Variants in EML6 observed in about 807,000 individuals in gnomAD.
EML6 encodes the protein echinoderm microtubule-associated protein-like 6.
In EML6, 154 loss-of-function variants were observed where a neutral mutation model predicts 240.1. That is an observed-to-expected ratio of 0.64 (90% CI 0.56 to 0.73). The LOEUF is 0.73. Among genes scored for constraint, EML6 ranks in the 30% least tolerant of loss-of-function variants. The pLI, the probability that EML6 is intolerant of heterozygous loss-of-function variation, is 0.00. For synonymous variants in EML6, 1,148 were observed against 899.0 expected, an observed-to-expected ratio of 1.28 and a Z score of -4.95; for missense variants, 2,964 against 2,474.6, an observed-to-expected ratio of 1.20 and a Z score of -4.20.
intron 2 of EML6, among the ~76,000 whole-genome samples, chr2:54,799,223 G>A (rs1307689726): frequency 6.6e-6 from 1 of 152,062 alleles, no homozygotes; most frequent in Admixed American, 6.6e-5. Context: ...ACCATGCCCA[G>A]CTAATTTTTG....
intron 35 of EML6, 126 bp from the exon 36 acceptor site, chr2:54,962,397 C>G: frequency 2.7e-6 from 2 of 730,998 alleles, no homozygotes; most frequent in South Asian, 4.5e-5. Context: ...CCCTGTCCAC[C>G]ACCCCCATTC....
At chr2:54,740,972 C>T (rs1683603825) in intron 2 of EML6, among the ~76,000 whole-genome samples, 1 of 151,916 alleles carries the variant, frequency 6.6e-6, no homozygotes, top group Non-Finnish European at 1.5e-5. Context: ...TATTTTCTTC[C>T]CAGAATGTCA....
intron 8 of EML6, among the ~76,000 whole-genome samples, chr2:54,846,137 G>T (rs1316457309): frequency 6.6e-6 from 1 of 152,106 alleles, no homozygotes; most frequent in Non-Finnish European, 1.5e-5. Context: ...TGTGCTTACT[G>T]GCCAGGAGTC....
intron 5 of EML6, among the ~76,000 whole-genome samples, chr2:54,821,769 A>G (rs953042189): frequency 1.3e-5 from 2 of 152,116 alleles, no homozygotes; most frequent in African/African-American, 2.4e-5. Context: ...AAATTTATCA[A>G]TTTTTTAGAA....
At chr2:54,794,997 T>C (rs79012457) in intron 2 of EML6, among the ~76,000 whole-genome samples, 3,157 of 152,310 alleles carry the variant, frequency 0.021, 42 homozygotes, top group Non-Finnish European at 0.032. Flanking sequence ...TTCTTGAAAC[T>C]CCTTTACCTC....
At chr2:54,841,080 C>G (rs1316871043) in intron 7 of EML6, among the ~76,000 whole-genome samples, 1 of 127,150 alleles carries the variant, frequency 7.9e-6, no homozygotes, top group Admixed American at 7.8e-5. Flanking sequence ...AAAGGGTAGG[C>G]AAAGAGATCA....
At chr2:54,857,643 T>A (rs112857906) in intron 11 of EML6, among the ~76,000 whole-genome samples, 9 of 152,160 alleles carry the variant, frequency 5.9e-5, no homozygotes, top group African/African-American at 2.2e-4. Context: ...GGCAGTGCAG[T>A]GTTCTAAATG....
chr2:54,884,220 C>T (rs1213221488), intron 17 of EML6, among the ~76,000 whole-genome samples: 1 of 90,546 alleles, frequency 1.1e-5, no homozygotes, highest in Non-Finnish European at 2.3e-5. Context: ...CTTCATTTGC[C>T]AGGTTATTAC....
In EML6 at chr2:54,725,854, T is replaced by C. The variant is rs942339442; in HGVS notation, c.197+596T>C. Among the ~76,000 whole-genome samples the C allele has an allele frequency of 1.3e-5, 2 of 152,210 alleles. No individual in the cohort carries two copies. Among genetic ancestry groups the C allele is most frequent in the African/African-American group, 4.8e-5 (2 of 41,452 alleles). ...CTAAATGGATGCTTCCACAGCATCA[T>C]TGAGGTTATTAAAGGCTGGCAGCTG... is the stretch of plus-strand genomic sequence containing the variant. On this transcript the variant is annotated intron_variant, in intron 2 of 41. Transcript: ENST00000356458. The surrounding 1 kb of genome is among the most constrained non-coding windows in gnomAD (Gnocchi z 4.3).
At chr2:54,958,991 A>G (rs1676366749) in intron 33 of EML6, 113 bp from the exon 34 acceptor site, 1 of 1,000,434 alleles carries the variant, frequency 1.0e-6, no homozygotes, top group East Asian at 2.8e-5. Flanking sequence ...AAGAGATCAA[A>G]CTGCCTAGGC....
Position 54,825,853 on chromosome 2 carries a change from C to G in EML6, c.526-1713C>G, listed in dbSNP as rs200487875. Reference sequence around the variant, plus strand: ...TACTCTGAGAGGACCATGGTTTTTCCTCTCCTACAGGTGTAAAATAGTACA... The same window carrying G: ...TACTCTGAGAGGACCATGGTTTTTCGTCTCCTACAGGTGTAAAATAGTACA... On this transcript the variant is annotated intron_variant, in intron 5 of 41. Transcript: ENST00000356458. Among the ~76,000 whole-genome samples, 33 of 152,224 alleles carry G rather than the reference C, an allele frequency of 2.2e-4. No individual in the cohort carries two copies. In the East Asian group the frequency reaches 6.4e-3, roughly 29 times the overall value.
intron 22 of EML6, among the ~76,000 whole-genome samples, chr2:54,901,015 C>G (rs972584890): frequency 6.6e-6 from 1 of 152,026 alleles, no homozygotes; most frequent in African/African-American, 2.4e-5. Flanking sequence ...GGATTGTATT[C>G]TAGGGTAATA....
At chr2:54,801,478 G>C (rs1558560960) in intron 2 of EML6, among the ~76,000 whole-genome samples, 1 of 152,328 alleles carries the variant, frequency 6.6e-6, no homozygotes, top group South Asian at 2.1e-4. Flanking sequence ...CAAAGTAGGA[G>C]TTTATTCATG....
intron 24 of EML6, among the ~76,000 whole-genome samples, chr2:54,909,236 C>A (rs564889547): frequency 6.6e-6 from 1 of 152,244 alleles, no homozygotes; most frequent in Admixed American, 6.5e-5. Flanking sequence ...TCTTGAGTGT[C>A]CTAAAAATAG....
intron 22 of EML6, 81 bp downstream of exon 22, chr2:54,899,863 T>A: frequency 4.5e-6 from 6 of 1,339,912 alleles, no homozygotes; most frequent in Non-Finnish European, 6.1e-6. Context: ...AGTTAATATT[T>A]ACTGAGGGCA....
rs575355507 is a variant in EML6 at position 54,931,116 on chromosome 2, C to T, written c.4004+2365C>T. ...GGGACTACAGGCGCCCGCCACCATG[C>T]CCGGCTAATTTTTTGTATTTTTAGT... On this transcript the variant is annotated intron_variant, in intron 28 of 41. Coordinates refer to ENST00000356458, the MANE Select transcript of EML6 (RefSeq NM_001039753.4). Among the ~76,000 whole-genome samples, 25 of 152,214 alleles carry T rather than the reference C, an allele frequency of 1.6e-4. No individual in the cohort carries two copies. The East Asian group carries it at 4.6e-3, about 28-fold the overall frequency.
intron 2 of EML6, among the ~76,000 whole-genome samples, chr2:54,748,880 A>C (rs573664395): frequency 1.3e-5 from 2 of 152,246 alleles, no homozygotes; most frequent in East Asian, 3.9e-4. Context: ...CTGGACTTCT[A>C]ATTTGTCAGT....
At chr2:54,892,691 C>T (rs935991859) in intron 19 of EML6, 35 bp downstream of exon 19, 1 of 1,502,302 alleles carries the variant, frequency 6.7e-7, no homozygotes, top group Non-Finnish European at 9.0e-7. Flanking sequence ...TTTTCCTCAT[C>T]AGCCTTCTAA....
intron 28 of EML6, among the ~76,000 whole-genome samples, chr2:54,946,270 C>G (rs917034855): frequency 1.3e-5 from 2 of 152,316 alleles, no homozygotes; most frequent in African/African-American, 4.8e-5. Context: ...CTCCTCCCAC[C>G]TCCAGTCTCT....
Sources: allele counts gnomAD v4.1 joint callset (sites outside exome capture counted in the v4.1 genomes callset), GRCh38; gene constraint gnomAD v4.1.1; non-coding constraint Gnocchi (gnomAD v3.1); transcripts MANE v1.5; gene names NCBI Gene and HGNC (gene_info 2026-07-23, HGNC 2026-07-21).